The following VWC2 variants were observed in gnomAD, a reference collection of about 807,000 sequenced individuals.
VWC2 encodes brorin.
In VWC2, 14 loss-of-function variants were observed where a neutral mutation model predicts 29.8. That is an observed-to-expected ratio of 0.47 (90% CI 0.31 to 0.74). The LOEUF (loss-of-function observed/expected upper bound fraction) is 0.74. VWC2 is among the 30% of genes least tolerant of loss of function. The pLI is 0.05. For synonymous variants in VWC2, 213 were observed against 199.0 expected, an observed-to-expected ratio of 1.07 and a Z score of -0.59; for missense variants, 457 against 459.8, an observed-to-expected ratio of 0.99 and a Z score of 0.05.
chr7:49,801,593 G>A (rs1308334193), intron 2 of VWC2, among the ~76,000 whole-genome samples: 1 of 152,230 alleles, frequency 6.6e-6, no homozygotes. Context: ...GGCAGAGTAT[G>A]AGCCCATGGC....
chr7:49,776,093 T>C lies in VWC2; in HGVS notation c.658T>C (p.Phe220Leu). 1.3e-6 allele frequency: 2 copies of C among 1,551,008 alleles called. No homozygotes were observed. The highest frequency in any genetic ancestry group is 1.7e-6 in the Non-Finnish European group (2 of 1,154,280). ...CAAGGAGAGGAAGAACTACTGCGAG[T>C]TCCGGGGCAAGACCTATCAGACTTT... ...QCKERKNYCE[F>L]RGKTYQTLEE... Residue 220 changes from phenylalanine (F) to leucine (L), a missense_variant, in exon 2 of 4, where the codon TTC (phenylalanine) becomes CTC (leucine). Phe to Leu is a conservative substitution (Grantham distance 22). Coordinates refer to ENST00000340652, the MANE Select transcript of VWC2 (RefSeq NM_198570.5).
chr7:49,897,177 G>A (rs1056282011), intron 3 of VWC2, among the ~76,000 whole-genome samples: 1 of 151,916 alleles, frequency 6.6e-6, no homozygotes, highest in African/African-American at 2.4e-5. Flanking sequence ...TTACAGGCGT[G>A]AGCCACCGCG....
At chr7:49,874,218 C>T (rs1678972314) in intron 3 of VWC2, among the ~76,000 whole-genome samples, 1 of 152,184 alleles carries the variant, frequency 6.6e-6, no homozygotes, top group African/African-American at 2.4e-5. Flanking sequence ...CTCATAACCA[C>T]ATTTCGGTCA....
intron 3 of VWC2, among the ~76,000 whole-genome samples, chr7:49,835,219 C>G (rs190497768): frequency 6.6e-6 from 1 of 152,146 alleles, no homozygotes; most frequent in African/African-American, 2.4e-5. Flanking sequence ...TACTGGACAT[C>G]AGTTAGTCCA....
chr7:49,858,870 T>C (rs2128719381), intron 3 of VWC2, among the ~76,000 whole-genome samples: 1 of 152,366 alleles, frequency 6.6e-6, no homozygotes, highest in Admixed American at 6.5e-5. Flanking sequence ...TTTAAAAACT[T>C]ACCTTGTTTC....
chr7:49,844,901 T>C (rs541030935), intron 3 of VWC2, among the ~76,000 whole-genome samples: 2 of 152,250 alleles, frequency 1.3e-5, no homozygotes, highest in South Asian at 4.2e-4. Flanking sequence ...CAGGCTAGTC[T>C]TGAACTCCTG....
At chr7:49,826,965 TG>T (rs1212291407) in intron 3 of VWC2, among the ~76,000 whole-genome samples, 74 of 152,240 alleles carry the variant, frequency 4.9e-4, no homozygotes, top group Non-Finnish European at 8.2e-4. Context: ...ATCTTTAGCA[TG>T]TTCAGTATTC....
At chr7:49,796,766 C>A (rs1788600526) in intron 2 of VWC2, among the ~76,000 whole-genome samples, 1 of 152,148 alleles carries the variant, frequency 6.6e-6, no homozygotes, top group African/African-American at 2.4e-5. Flanking sequence ...TTAAACAAGG[C>A]AAAGCTTCTT....
intron 3 of VWC2, among the ~76,000 whole-genome samples, chr7:49,870,898 A>G (rs1002130316): frequency 6.6e-6 from 1 of 152,270 alleles, no homozygotes; most frequent in East Asian, 1.9e-4. Flanking sequence ...TGAACTCCAT[A>G]GAACCTAGGC....
chr7:49,892,817 A>C (rs976355687), intron 3 of VWC2, among the ~76,000 whole-genome samples: 5 of 152,226 alleles, frequency 3.3e-5, no homozygotes, highest in African/African-American at 1.2e-4. Context: ...AATGTTCATC[A>C]GATCCTAATA....
Position 49,792,407 on chromosome 7 carries a change from C to T in VWC2, c.697-10304C>T, listed in dbSNP as rs552101778. ...TATCCTCTCCCGCTGTGTGCATTTA[C>T]GCTGCACTAGACACCTTTGATTCTG... On this transcript the variant is annotated intron_variant, in intron 2 of 3. Transcript: ENST00000340652. Among the ~76,000 whole-genome samples the T allele has an allele frequency of 1.1e-4, 16 of 152,312 alleles. No individual in the cohort carries two copies. The East Asian group carries it at 1.5e-3, about 15-fold the overall frequency.
At chr7:49,812,614 C>G (rs542766513) in intron 3 of VWC2, among the ~76,000 whole-genome samples, 4 of 152,202 alleles carry the variant, frequency 2.6e-5, no homozygotes, top group Admixed American at 2.0e-4. Flanking sequence ...TCAGGCAACA[C>G]TCAGAAGCAG....
intron 3 of VWC2, among the ~76,000 whole-genome samples, chr7:49,902,106 G>C (rs1792780500): frequency 6.6e-6 from 1 of 151,932 alleles, no homozygotes; most frequent in Non-Finnish European, 1.5e-5. Context: ...ATAGGAGAAA[G>C]TCTAGATAGC....
At chr7:49,875,392 A>AAAAG (rs1791368054) in intron 3 of VWC2, among the ~76,000 whole-genome samples, 1 of 150,158 alleles carries the variant, frequency 6.7e-6, no homozygotes, top group Admixed American at 6.7e-5. Flanking sequence ...AAAAAAAAAA[A>AAAAG]AAAAACAGGA....
At chr7:49,878,729 C>G (rs995579906) in intron 3 of VWC2, among the ~76,000 whole-genome samples, 1 of 152,116 alleles carries the variant, frequency 6.6e-6, no homozygotes, top group Non-Finnish European at 1.5e-5. Flanking sequence ...ATTGCTCATG[C>G]ACGATTTTCT....
chr7:49,915,387 C>G lies in VWC2; in HGVS notation c.*3202C>G, dbSNP rs1298614195. On this transcript the variant is annotated 3_prime_UTR_variant, in exon 4 of 4. Coordinates refer to ENST00000340652, the MANE Select transcript of VWC2 (RefSeq NM_198570.5). ...CTTTTGATACTTAGAATTTCATCAC[C>G]TGCTTTGTGCAGTAAAACATGCTAA... 6.6e-6 allele frequency: 1 copy of G among 152,174 alleles called. No homozygotes were observed. Among genetic ancestry groups the G allele is most frequent in the East Asian group, 1.9e-4 (1 of 5,200 alleles). 9.4% of individuals were successfully genotyped at this position (152,174 alleles called of 1,614,324 possible).
At chr7:49,876,066 C>T (rs544749257) in intron 3 of VWC2, among the ~76,000 whole-genome samples, 5 of 152,088 alleles carry the variant, frequency 3.3e-5, no homozygotes, top group Non-Finnish European at 7.4e-5. Flanking sequence ...CAAAATTGTT[C>T]AGAGTTTGTG....
rs36066373 is a variant in VWC2, at chr7:49,896,881, ATTTTT to A, written c.827-15132_827-15128del. Among the ~76,000 whole-genome samples the A allele has an allele frequency of 4.3e-4, 41 of 95,040 alleles. 1 individual carries two copies. In the South Asian group the frequency reaches 7.4e-3, roughly 17 times the overall value. The allele number at this position is 95,040 out of a possible 152,430, so 62.3% of individuals were successfully genotyped here. On this transcript the variant is annotated intron_variant, in intron 3 of 3. Transcript: ENST00000340652. ...AACTATTAAGAAAATTGGATTGATAATTTTTTTTTTTTTTTTTTTTTTTTTGAGAC... is the reference window on the plus strand; with the variant it reads ...AACTATTAAGAAAATTGGATTGATAATTTTTTTTTTTTTTTTTTTTGAGAC...
intron 3 of VWC2, among the ~76,000 whole-genome samples, chr7:49,822,013 C>A (rs1386712642): frequency 6.6e-6 from 1 of 152,134 alleles, no homozygotes; most frequent in Admixed American, 6.5e-5. Context: ...CTCAGCATGG[C>A]AGTAGTGCTT....
Sources: gnomAD v4.1 joint callset for allele counts (sites outside exome capture counted in the v4.1 genomes callset) on GRCh38, gnomAD v4.1.1 for gene constraint, MANE v1.5 for transcripts, NCBI Gene and HGNC (gene_info 2026-07-23, HGNC 2026-07-21) for gene names.